RUFY4: variants seen among roughly 807,000 people sequenced by gnomAD.
RUFY4 encodes the protein RUN and FYVE domain containing 4, also known as RUN and FYVE domain-containing protein 4.
In RUFY4, 73 loss-of-function variants were observed where a neutral mutation model predicts 69.0. The ratio of observed to expected loss-of-function variants is 1.06; its 90% CI spans 0.88 to 1.29. RUFY4 has a LOEUF of 1.29. Ranked by LOEUF, RUFY4 falls within the 50% of genes most tolerant of loss-of-function variation. The pLI is 0.00. For missense variants in RUFY4, 770 were observed against 705.6 expected (o/e 1.09, Z -1.03); for synonymous variants, 287 against 271.8 (o/e 1.06, Z -0.55).
intron 9 of RUFY4, 25 bp downstream of exon 11, chr2:218,083,281 G>A (rs370911354): frequency 1.2e-4 from 180 of 1,557,802 alleles, no homozygotes; most frequent in Middle Eastern, 1.7e-4. Context: ...AGTGGGAAAG[G>A]GGAAACAGAT....
chr2:218,060,919 C>G, intron 3 of RUFY4: 1 of 978,544 alleles, frequency 1.0e-6, no homozygotes, highest in Non-Finnish European at 1.7e-6. Context: ...TTCCACAAAC[C>G]CAGACATATG....
chr2:218,058,944 G>A (rs552095075), intron 3 of RUFY4, among the ~76,000 whole-genome samples: 11 of 152,294 alleles, frequency 7.2e-5, no homozygotes, highest in South Asian at 6.2e-4. Context: ...TCCATGATGC[G>A]TGGTCTGCAG....
chr2:218,058,963 T>C (rs1351149379), intron 3 of RUFY4, among the ~76,000 whole-genome samples: 1 of 152,190 alleles, frequency 6.6e-6, no homozygotes, highest in Non-Finnish European at 1.5e-5. Context: ...AGCAGGAAGC[T>C]TGGGTTGGGG....
At chr2:218,066,409 A>C (rs1689332370), upstream of RUFY4, among the ~76,000 whole-genome samples, 1 of 152,024 alleles carries the variant, frequency 6.6e-6, no homozygotes, top group Admixed American at 6.5e-5. Context: ...TCCTGACCTC[A>C]GGTGATCCTC....
intron 9 of RUFY4, among the ~76,000 whole-genome samples, chr2:218,087,469 G>C (rs190195650): frequency 6.6e-6 from 1 of 152,108 alleles, no homozygotes; most frequent in African/African-American, 2.4e-5. Context: ...TACAGAACAG[G>C]AGTCATAAGG....
chr2:218,072,232 G>T (rs368752883), intron 2 of RUFY4, 142 bp from the exon 5 acceptor site: 1 of 981,676 alleles, frequency 1.0e-6, no homozygotes. Context: ...CACACAGCCA[G>T]TAAGGACAGG....
chr2:218,070,317 T>G, upstream of RUFY4: 2 of 463,094 alleles, frequency 4.3e-6, no homozygotes, highest in Non-Finnish European at 4.0e-6. Flanking sequence ...ACCTCCAGGA[T>G]TATGTGAGGA....
chr2:218,036,480 T>C (rs992551466), intron 2 of RUFY4, among the ~76,000 whole-genome samples: 2 of 152,210 alleles, frequency 1.3e-5, no homozygotes, highest in Non-Finnish European at 2.9e-5. Flanking sequence ...AGTCTAACTC[T>C]ATAAAAGGGA....
chr2:218,075,497 G>A (rs267599206), exon 7 of RUFY4: 1 of 1,585,454 alleles, frequency 6.3e-7, no homozygotes, highest in Non-Finnish European at 8.6e-7. Flanking sequence ...CTCACAAAAA[G>A]GAAGCAGAGT....
At chr2:218,072,198 G>C (rs1056906598) in intron 2 of RUFY4, among the ~76,000 whole-genome samples, 176 bp from the exon 5 acceptor site, 1 of 152,200 alleles carries the variant, frequency 6.6e-6, no homozygotes, top group Non-Finnish European at 1.5e-5. Context: ...GAGGCTCAGG[G>C]AGGTCAAGCC....
intron 3 of RUFY4, 31 bp downstream of exon 5, chr2:218,072,530 C>G (rs367617774): frequency 1.3e-6 from 2 of 1,534,914 alleles, no homozygotes; most frequent in South Asian, 1.2e-5. Context: ...AGAAGGCTGA[C>G]GGGGTGGGGG....
chr2:218,076,657 C>G lies in RUFY4; in HGVS notation c.1355+124C>G. ...TGCACCAGGCCCTGGACTGGGCACACCTTTGGGATCTGAGGCCTGCAGGGC... is the reference window on the plus strand; with the variant it reads ...TGCACCAGGCCCTGGACTGGGCACAGCTTTGGGATCTGAGGCCTGCAGGGC... On this transcript the variant is annotated intron_variant, in intron 8 of 10. Transcript: ENST00000344321. 3 of 1,434,336 alleles carry G rather than the reference C, an allele frequency of 2.1e-6. No individual in the cohort carries two copies. In the South Asian group the frequency reaches 4.2e-5, roughly 20 times the overall value. The allele number at this position is 1,434,336 out of a possible 1,614,324, so 88.9% of individuals were successfully genotyped here.
intron 9 of RUFY4, among the ~76,000 whole-genome samples, chr2:218,084,493 A>T (rs552357853): frequency 3.5e-4 from 53 of 152,184 alleles, no homozygotes; most frequent in African/African-American, 1.2e-3. Flanking sequence ...CGGCCTCCCA[A>T]AGTGCTAGTA....
chr2:218,043,894 C>A (rs528908443), intron 2 of RUFY4, among the ~76,000 whole-genome samples: 1 of 152,346 alleles, frequency 6.6e-6, no homozygotes, highest in East Asian at 1.9e-4. Context: ...ATCTCGGCTT[C>A]CCTCCCATGC....
chr2:218,084,036 T>C (rs1689831423), intron 9 of RUFY4, among the ~76,000 whole-genome samples: 1 of 152,108 alleles, frequency 6.6e-6, no homozygotes, highest in Non-Finnish European at 1.5e-5. Flanking sequence ...GTTCCAGACA[T>C]TGGGCTCACC....
chr2:218,064,381 C>T (rs141100909), upstream of RUFY4, among the ~76,000 whole-genome samples: 39 of 152,338 alleles, frequency 2.6e-4, no homozygotes, highest in African/African-American at 9.1e-4. Context: ...ACTCCCTGCC[C>T]TCCATGGGCA....
rs1689546902 is a variant in RUFY4 at position 218,073,509 on chromosome 2, A to G, written c.530+123A>G. ...ATCTGTCTCTGCCTCCTTTTGCTCC[A>G]TGCCTTTGGATTCTTCTAGCCCTCG... is the stretch of plus-strand genomic sequence containing the variant. On this transcript the variant is annotated intron_variant, in intron 5 of 10. Coordinates refer to ENST00000344321, the Ensembl canonical transcript of RUFY4. The G allele has an allele frequency of 9.0e-6, 12 of 1,330,140 alleles. No individual in the cohort carries two copies. In the Admixed American group the frequency reaches 2.2e-4, roughly 25 times the overall value. 82.4% of individuals were successfully genotyped at this position (1,330,140 alleles called of 1,614,324 possible). A position where few individuals can be genotyped will look rare whatever the true frequency, so the allele number is the denominator to read the frequency against.
chr2:218,089,704 GGA>G lies in RUFY4; in HGVS notation c.1614-242_1614-241del, dbSNP rs749079011. Reference sequence around the variant, plus strand: ...GAGCACAGTGCTAGGACCAGCCTTGGGAGAGAGGAAAGTGAGCCACCAGGAGA... The same window carrying G: ...GAGCACAGTGCTAGGACCAGCCTTGGGAGAGGAAAGTGAGCCACCAGGAGA... On this transcript the variant is annotated intron_variant, in intron 10 of 10. Transcript: ENST00000344321. The G allele has an allele frequency of 4.3e-6, 3 of 703,548 alleles. No individual in the cohort carries two copies. The South Asian group carries it at 4.4e-5, about 10-fold the overall frequency. 43.6% of individuals were successfully genotyped at this position (703,548 alleles called of 1,614,324 possible).
intron 7 of RUFY4, 51 bp downstream of exon 9, chr2:218,075,791 C>T: frequency 7.3e-7 from 1 of 1,362,512 alleles, no homozygotes; most frequent in Non-Finnish European, 9.5e-7. Context: ...TCTGACCTGG[C>T]CCACAGATGA....
Sources: allele counts gnomAD v4.1 joint callset (sites outside exome capture counted in the v4.1 genomes callset), GRCh38; gene constraint gnomAD v4.1.1; transcripts MANE v1.5; gene names NCBI Gene and HGNC (gene_info 2026-07-23, HGNC 2026-07-21).